The following SLIT3 variants were observed in gnomAD, a reference collection of about 807,000 sequenced individuals.
SLIT3 encodes slit guidance ligand 3, also known as slit homolog 3 protein.
In SLIT3, 68 loss-of-function variants were observed where a neutral mutation model predicts 184.0. The ratio of observed to expected loss-of-function variants is 0.37; its 90% CI spans 0.30 to 0.45. SLIT3 has a LOEUF of 0.45. SLIT3 is among the 20% of genes least tolerant of loss of function. The pLI, the probability that SLIT3 is intolerant of heterozygous loss-of-function variation, is 1.00. For missense variants in SLIT3, 1,707 were observed against 2,026.0 expected (o/e 0.84, Z 3.02); for synonymous variants, 831 against 828.6 (o/e 1.00, Z -0.05).
chr5:169,211,672 G>A (rs1172881600), intron 3 of SLIT3, among the ~76,000 whole-genome samples: 1 of 151,924 alleles, frequency 6.6e-6, no homozygotes, highest in Non-Finnish European at 1.5e-5. Context: ...TACATTCTGG[G>A]GTACATGTGC....
chr5:169,087,102 T>A (rs1045079915), intron 4 of SLIT3, among the ~76,000 whole-genome samples: 2 of 152,160 alleles, frequency 1.3e-5, no homozygotes, highest in Non-Finnish European at 2.9e-5. Flanking sequence ...TCTTGCACCC[T>A]CCCGGCATGC....
intron 5 of SLIT3, among the ~76,000 whole-genome samples, chr5:168,867,307 G>A (rs1759340771): frequency 6.6e-6 from 1 of 152,220 alleles, no homozygotes; most frequent in South Asian, 2.1e-4. Flanking sequence ...GGACTTATGA[G>A]TCGTTGACTC....
At chr5:168,732,339 C>T (rs1317162647) in intron 20 of SLIT3, among the ~76,000 whole-genome samples, 1 of 152,088 alleles carries the variant, frequency 6.6e-6, no homozygotes, top group Non-Finnish European at 1.5e-5. Context: ...AAAAACATCC[C>T]ATGCTCATGG....
intron 3 of SLIT3, among the ~76,000 whole-genome samples, chr5:169,226,080 C>T (rs1360485036): frequency 6.6e-6 from 1 of 152,168 alleles, no homozygotes; most frequent in Non-Finnish European, 1.5e-5. Context: ...GCTCCCCCAT[C>T]TCTGCCCTCC....
intron 13 of SLIT3, among the ~76,000 whole-genome samples, chr5:168,773,974 A>C (rs1037998350): frequency 1.3e-5 from 2 of 152,228 alleles, no homozygotes; most frequent in African/African-American, 4.8e-5. Flanking sequence ...TGTAGAAAGA[A>C]GAGATAGTAA....
chr5:169,283,531 C>T (rs1411376604), intron 1 of SLIT3, among the ~76,000 whole-genome samples: 1 of 152,144 alleles, frequency 6.6e-6, no homozygotes, highest in Non-Finnish European at 1.5e-5. Flanking sequence ...CAGGCTGTAT[C>T]CCATGGGTGC....
At chr5:168,688,967 A>G (rs1246582239) in intron 29 of SLIT3, among the ~76,000 whole-genome samples, 1 of 152,252 alleles carries the variant, frequency 6.6e-6, no homozygotes, top group Non-Finnish European at 1.5e-5. Context: ...TGAGATCTTT[A>G]TTAAGAATTA....
intron 26 of SLIT3, among the ~76,000 whole-genome samples, chr5:168,703,643 T>C (rs1054193595): frequency 6.6e-6 from 1 of 151,966 alleles, no homozygotes; most frequent in Non-Finnish European, 1.5e-5. Flanking sequence ...GCCAAAAAGG[T>C]TGGGAATCAA....
chr5:169,055,185 G>A (rs1425008297), intron 4 of SLIT3, among the ~76,000 whole-genome samples: 1 of 152,180 alleles, frequency 6.6e-6, no homozygotes, highest in Non-Finnish European at 1.5e-5. Context: ...GAGGATGCCA[G>A]CCATGAGACA....
chr5:169,297,892 G>A (rs532599531), intron 1 of SLIT3, among the ~76,000 whole-genome samples: 2 of 152,324 alleles, frequency 1.3e-5, no homozygotes, highest in African/African-American at 4.8e-5. Context: ...GAGCCACTGC[G>A]CCCGGCTTCA....
chr5:169,024,623 G>C (rs902705936), intron 4 of SLIT3: 2 of 152,158 alleles, frequency 1.3e-5, no homozygotes, highest in Non-Finnish European at 2.9e-5. Context: ...GATTTGGACA[G>C]GGAGGCGAGC....
chr5:168,939,641 C>G (rs1331681893), intron 4 of SLIT3, among the ~76,000 whole-genome samples: 1 of 152,216 alleles, frequency 6.6e-6, no homozygotes, highest in Non-Finnish European at 1.5e-5. Flanking sequence ...CAGATGTACA[C>G]AATCTTAAAA....
chr5:169,005,421 T>C (rs1417635124), intron 4 of SLIT3, among the ~76,000 whole-genome samples: 2 of 152,178 alleles, frequency 1.3e-5, no homozygotes, highest in Non-Finnish European at 2.9e-5. Flanking sequence ...GTAACATGTA[T>C]AGGAGAGTTC....
intron 4 of SLIT3, chr5:169,022,756 G>T (rs1289746791): frequency 6.6e-6 from 1 of 152,202 alleles, no homozygotes; most frequent in East Asian, 1.9e-4. Context: ...GAAACTCTGC[G>T]TGAGAACAAG....
chr5:168,751,798 C>A (rs1754725325), intron 18 of SLIT3, among the ~76,000 whole-genome samples: 1 of 150,816 alleles, frequency 6.6e-6, no homozygotes, highest in Non-Finnish European at 1.5e-5. Flanking sequence ...AGTGCAGTGG[C>A]ACAATCTCGA....
chr5:168,966,220 A>T (rs1489991062), intron 4 of SLIT3, among the ~76,000 whole-genome samples: 1 of 152,162 alleles, frequency 6.6e-6, no homozygotes, highest in Non-Finnish European at 1.5e-5. Context: ...TCCCCAGGTG[A>T]GCTCTCGATC....
chr5:169,082,099 G>A (rs930220241), intron 4 of SLIT3, among the ~76,000 whole-genome samples: 2 of 152,168 alleles, frequency 1.3e-5, no homozygotes, highest in Admixed American at 6.5e-5. Flanking sequence ...AAAACAACTC[G>A]GAGAGGTGTA....
At chr5:169,001,279 G>A (rs1451765376) in intron 4 of SLIT3, among the ~76,000 whole-genome samples, 1 of 152,140 alleles carries the variant, frequency 6.6e-6, no homozygotes, top group Non-Finnish European at 1.5e-5. Flanking sequence ...GCCTTATCCT[G>A]AGAAAAATGA....
chr5:168,666,559 G>A lies in SLIT3; in HGVS notation c.4467C>T (p.Pro1489=). Residue 1489 remains proline (P), a synonymous_variant, in exon 36 of 36, where the codon CCC becomes CCT. Transcript: ENST00000519560. The part of the protein sequence containing the change: ...RGGCGPQCCQ[P]TRSKRRKYVF... ...CGTATTTCCGCCGCTTGCTGCGGGTGGGCTGGCAGCACTGGGGCCCACAGC... is the reference window on the plus strand; with the variant it reads ...CGTATTTCCGCCGCTTGCTGCGGGTAGGCTGGCAGCACTGGGGCCCACAGC... 2 of 1,614,014 alleles carry A rather than the reference G, an allele frequency of 1.2e-6. No individual in the cohort carries two copies. The highest frequency in any genetic ancestry group is 1.7e-6 in the Non-Finnish European group (2 of 1,179,960).
Sources: gnomAD v4.1 joint callset for allele counts (sites outside exome capture counted in the v4.1 genomes callset) on GRCh38, gnomAD v4.1.1 for gene constraint, MANE v1.5 for transcripts, NCBI Gene and HGNC (gene_info 2026-07-23, HGNC 2026-07-21) for gene names.